The following NKAIN1 variants were observed in gnomAD, a reference collection of about 807,000 sequenced individuals.
NKAIN1 encodes sodium/potassium transporting ATPase interacting 1.
Under a neutral mutation model 31.6 loss-of-function variants are expected in NKAIN1, and 13 were observed. That is an observed-to-expected ratio of 0.41 (90% CI 0.27 to 0.65). The LOEUF is 0.65. NKAIN1 is among the 30% of genes least tolerant of loss of function. NKAIN1 has a pLI of 0.30. For synonymous variants in NKAIN1, 104 were observed against 109.0 expected (o/e 0.95, Z 0.28); for missense variants, 193 against 262.2 (o/e 0.74, Z 1.82).
intron 1 of NKAIN1, among the ~76,000 whole-genome samples, chr1:31,222,938 C>T (rs1407437182): frequency 6.6e-6 from 1 of 152,186 alleles, no homozygotes; most frequent in African/African-American, 2.4e-5. Context: ...TGAGGAAATG[C>T]ATCTGAAGTG....
At chr1:31,218,075 T>TCTTTCTTTCTC (rs1557660009) in intron 1 of NKAIN1, among the ~76,000 whole-genome samples, 1 of 148,230 alleles carries the variant, frequency 6.7e-6, no homozygotes, top group African/African-American at 2.6e-5. Flanking sequence ...TTTCTTTTTT[T>TCTTTCTTTCTC]TTTTTGAGAT....
chr1:31,185,405 G>T, intron 2 of NKAIN1, 78 bp from the exon 3 acceptor site: 1 of 1,135,778 alleles, frequency 8.8e-7, no homozygotes, highest in Non-Finnish European at 1.3e-6. Flanking sequence ...CAGAGCTCAG[G>T]GATGAGGAGA....
At chr1:31,193,081 T>A (rs890502518) in intron 1 of NKAIN1, among the ~76,000 whole-genome samples, 1 of 151,482 alleles carries the variant, frequency 6.6e-6, no homozygotes, top group Non-Finnish European at 1.5e-5. Context: ...ATTTTTTTAT[T>A]TTTTTGAGAC....
At chr1:31,234,811 G>A (rs1645682893) in intron 1 of NKAIN1, among the ~76,000 whole-genome samples, 1 of 152,144 alleles carries the variant, frequency 6.6e-6, no homozygotes, top group Non-Finnish European at 1.5e-5. Flanking sequence ...GGTTAAACGC[G>A]AGCAGTAGAG....
At chr1:31,235,893 C>T (rs550371695) in intron 1 of NKAIN1, among the ~76,000 whole-genome samples, 1 of 152,270 alleles carries the variant, frequency 6.6e-6, no homozygotes, top group East Asian at 1.9e-4. Context: ...GGACAGTCCA[C>T]AAAGGACAGT....
chr1:31,184,941 G>A (rs115861535), intron 3 of NKAIN1, among the ~76,000 whole-genome samples: 84 of 152,200 alleles, frequency 5.5e-4, no homozygotes, highest in African/African-American at 2.0e-3. Context: ...CTCTATTAGC[G>A]GGGCCTAAGA....
rs61094986 is a variant in NKAIN1 at position 31,235,792 on chromosome 1, C to A, written c.54+3702G>T. Among the ~76,000 whole-genome samples the A allele has an allele frequency of 5.9e-3, 896 of 152,212 alleles. 72 individuals carry two copies. The East Asian group carries it at 0.15, about 25-fold the overall frequency. ...CCTAGAGTGTGGAAGAGACTTGCCC[C>A]AAATTGCAGGATGTCAGAAGCAGAG... On this transcript the variant is annotated intron_variant, in intron 1 of 6. Transcript: ENST00000373736.
chr1:31,185,384 G>T, intron 2 of NKAIN1, 57 bp from the exon 3 acceptor site: 1 of 1,384,418 alleles, frequency 7.2e-7, no homozygotes, highest in Non-Finnish European at 1.0e-6. Context: ...GATGGGGAGT[G>T]TCAATGGAGA....
Position 31,223,513 on chromosome 1 carries a change from C to A in NKAIN1, c.54+15981G>T, listed in dbSNP as rs184080827. Reference sequence around the variant, plus strand: ...TGGATGGAGTGCAGTGGCGCGATCTCCGCTTACTGCAAGCTCCACCTCCTG... The same window carrying A: ...TGGATGGAGTGCAGTGGCGCGATCTACGCTTACTGCAAGCTCCACCTCCTG... On this transcript the variant is annotated intron_variant, in intron 1 of 6. Coordinates refer to ENST00000373736, the MANE Select transcript of NKAIN1 (RefSeq NM_024522.3). Among the ~76,000 whole-genome samples, 417 of 152,210 alleles carry A rather than the reference C, an allele frequency of 2.7e-3. 1 individual carries two copies. Among genetic ancestry groups the A allele is most frequent in the Non-Finnish European group, 4.6e-3 (311 of 68,008 alleles).
rs1293251802 is a variant in NKAIN1 at position 31,180,523 on chromosome 1, G to A, written c.*1180C>T. Reference sequence around the variant, plus strand: ...GAGGAGGCTTCTGGCCATTGGATTGGTTGTAAATGCTGGTGATCTGTAAAC... The same window carrying A: ...GAGGAGGCTTCTGGCCATTGGATTGATTGTAAATGCTGGTGATCTGTAAAC... On this transcript the variant is annotated 3_prime_UTR_variant, in exon 7 of 7. Coordinates refer to ENST00000373736, the MANE Select transcript of NKAIN1 (RefSeq NM_024522.3). The A allele has an allele frequency of 6.6e-6, 1 of 152,308 alleles. No individual in the cohort carries two copies. Among genetic ancestry groups the A allele is most frequent in the Non-Finnish European group, 1.5e-5 (1 of 68,128 alleles). The allele number at this position is 152,308 out of a possible 1,614,324, so 9.4% of individuals were successfully genotyped here.
At chr1:31,232,819 T>C (rs545977734) in intron 1 of NKAIN1, among the ~76,000 whole-genome samples, 1 of 152,220 alleles carries the variant, frequency 6.6e-6, no homozygotes, top group Non-Finnish European at 1.5e-5. Context: ...CCTTTCCCCT[T>C]GATGACTACT....
chr1:31,188,800 G>GA (rs1645263734), intron 1 of NKAIN1, among the ~76,000 whole-genome samples: 1 of 152,092 alleles, frequency 6.6e-6, no homozygotes, highest in African/African-American at 2.4e-5. Flanking sequence ...AAAAAGGCTT[G>GA]AAAAATGCAT....
chr1:31,183,970 G>A lies in NKAIN1; in HGVS notation c.318C>T (p.Ser106=). ...IMTFNTSLHR[S]WWMENGPGCL... Reference sequence around the variant, plus strand: ...AGCCTGGCCCATTCTCCATCCACCAGGAGCGGTGCAGGGATGTGTTGAAGG... The same window carrying A: ...AGCCTGGCCCATTCTCCATCCACCAAGAGCGGTGCAGGGATGTGTTGAAGG... The change falls in exon 4 of 7, where the codon TCC becomes TCT. Residue 106 remains serine (S), a synonymous_variant. Coordinates refer to ENST00000373736, the MANE Select transcript of NKAIN1 (RefSeq NM_024522.3). 7 of 1,614,160 alleles carry A rather than the reference G, an allele frequency of 4.3e-6. No homozygotes were observed. The highest frequency in any genetic ancestry group is 5.9e-6 in the Non-Finnish European group (7 of 1,180,032).
chr1:31,237,147 A>C (rs1050559441), intron 1 of NKAIN1, among the ~76,000 whole-genome samples: 1 of 152,136 alleles, frequency 6.6e-6, no homozygotes, highest in Non-Finnish European at 1.5e-5. Flanking sequence ...GGTACTCAGG[A>C]GGCTGAGGTG....
At chr1:31,196,697 AAAAT>A (rs142670426) in intron 1 of NKAIN1, among the ~76,000 whole-genome samples, 26,687 of 144,856 alleles carry the variant, frequency 0.18, 2,573 homozygotes, top group East Asian at 0.21. Context: ...TTCCATCTCA[AAAAT>A]AAATAAATAA....
At chr1:31,195,759 A>C (rs553509899) in intron 1 of NKAIN1, among the ~76,000 whole-genome samples, 1 of 151,374 alleles carries the variant, frequency 6.6e-6, no homozygotes, top group South Asian at 2.1e-4. Flanking sequence ...CCCCACCTCT[A>C]CAAAAAATAC....
At chr1:31,188,231 G>T (rs1463049797) in intron 1 of NKAIN1, 44 bp from the exon 2 acceptor site, 1 of 1,542,296 alleles carries the variant, frequency 6.5e-7, no homozygotes, top group East Asian at 2.4e-5. Flanking sequence ...CCCCTGAAAG[G>T]GAAGGACAGG....
At chr1:31,190,575 A>G (rs1167416311) in intron 1 of NKAIN1, among the ~76,000 whole-genome samples, 1 of 152,122 alleles carries the variant, frequency 6.6e-6, no homozygotes, top group African/African-American at 2.4e-5. Flanking sequence ...CAAGAGGTGT[A>G]AATTGTGGTG....
At chr1:31,238,220 C>A (rs910599612) in intron 1 of NKAIN1, among the ~76,000 whole-genome samples, 2 of 152,128 alleles carry the variant, frequency 1.3e-5, no homozygotes, top group African/African-American at 2.4e-5. Flanking sequence ...AGCTGGTGTC[C>A]CCAGGAGGAG....
Sources: allele counts gnomAD v4.1 joint callset (sites outside exome capture counted in the v4.1 genomes callset), GRCh38; gene constraint gnomAD v4.1.1; transcripts MANE v1.5; gene names NCBI Gene and HGNC (gene_info 2026-07-23, HGNC 2026-07-21).